Variants in MBOAT1 observed in about 807,000 individuals in gnomAD.
The protein encoded by MBOAT1 is membrane bound glycerophospholipid O-acyltransferase 1.
A neutral mutation model predicts 64.4 loss-of-function variants in MBOAT1; 67 were observed. The ratio of observed to expected loss-of-function variants is 1.04; its 90% CI spans 0.85 to 1.27. MBOAT1 has a LOEUF of 1.27. Ranked by LOEUF, MBOAT1 falls within the 50% of genes most tolerant of loss-of-function variation. The pLI is 0.00. For missense variants in MBOAT1, 563 were observed against 604.6 expected, an observed-to-expected ratio of 0.93 and a Z score of 0.72; for synonymous variants, 229 against 218.9, an observed-to-expected ratio of 1.05 and a Z score of -0.41.
At chr6:20,126,966 G>A (rs1760672788) in intron 6 of MBOAT1, among the ~76,000 whole-genome samples, 1 of 152,170 alleles carries the variant, frequency 6.6e-6, no homozygotes. Context: ...GCGAGGGCAA[G>A]TGCAACTCAG....
chr6:20,198,372 T>TGAGTACAACG (rs1763021602), intron 1 of MBOAT1, among the ~76,000 whole-genome samples: 3 of 152,222 alleles, frequency 2.0e-5, no homozygotes, highest in Non-Finnish European at 4.4e-5. Context: ...TACTTTCCGT[T>TGAGTACAACG]GAGGTAAAGA....
At chr6:20,111,864 A>G (rs1267926637) in intron 11 of MBOAT1, among the ~76,000 whole-genome samples, 2 of 137,930 alleles carry the variant, frequency 1.5e-5, no homozygotes, top group African/African-American at 5.6e-5. Flanking sequence ...ATATACATAT[A>G]TATACATATA....
At chr6:20,115,191 G>A in intron 10 of MBOAT1, 97 bp downstream of exon 10, 1 of 855,750 alleles carries the variant, frequency 1.2e-6, no homozygotes, top group South Asian at 1.4e-5. Flanking sequence ...AGTGTCAGAT[G>A]ACATTGCCAC....
chr6:20,165,178 A>G lies in MBOAT1; in HGVS notation c.100-12409T>C, dbSNP rs544903973. Reference sequence around the variant, plus strand: ...AGAGAAGCTAGGACTATTAGCAATTATCTGATCCAAGCCCCTCATTTTGTG... The same window carrying G: ...AGAGAAGCTAGGACTATTAGCAATTGTCTGATCCAAGCCCCTCATTTTGTG... On this transcript the variant is annotated intron_variant, in intron 1 of 12. Transcript: ENST00000324607. 5.9e-5 allele frequency among the ~76,000 whole-genome samples: 9 copies of G among 152,306 alleles called. No homozygotes were observed. In the South Asian group the frequency reaches 1.9e-3, roughly 32 times the overall value.
chr6:20,184,791 A>G (rs968969019), intron 1 of MBOAT1, among the ~76,000 whole-genome samples: 5 of 151,794 alleles, frequency 3.3e-5, no homozygotes, highest in Non-Finnish European at 7.4e-5. Context: ...CCAACCCCTG[A>G]GCACATACAC....
chr6:20,126,579 T>G lies in MBOAT1; in HGVS notation c.652A>C (p.Lys218Gln), dbSNP rs1483078127. The G allele has an allele frequency of 6.2e-7, 1 of 1,613,770 alleles. No homozygotes were observed. Among genetic ancestry groups the G allele is most frequent in the Non-Finnish European group, 8.5e-7 (1 of 1,179,986 alleles). The stretch of plus-strand genomic sequence containing the variant: ...CGCTTCCAGTTCACCTCCAGCAACT[T>G]CATGTGTATATGCTTCCCCTCAATG... The part of the protein sequence containing the change: ...AFIEGKHIHM[K>Q]LLEVNWKRKG... The change falls in exon 7 of 13, where the codon AAG becomes CAG. Residue 218 changes from lysine (K) to glutamine (Q), a missense_variant. By Grantham distance (53) the Lys-to-Gln change is moderately conservative. Transcript: ENST00000324607.
intron 11 of MBOAT1, 112 bp from the exon 12 acceptor site, chr6:20,109,861 C>A: frequency 2.2e-6 from 2 of 908,902 alleles, no homozygotes; most frequent in Non-Finnish European, 1.5e-6. Flanking sequence ...AGAAGATAAC[C>A]AACATCTGAG....
chr6:20,132,654 G>A (rs141554987), intron 4 of MBOAT1, among the ~76,000 whole-genome samples: 36 of 152,322 alleles, frequency 2.4e-4, no homozygotes, highest in African/African-American at 8.7e-4. Context: ...AAATCTTTGT[G>A]ACTTCAGGTT....
At chr6:20,190,035 C>T (rs961876363) in intron 1 of MBOAT1, among the ~76,000 whole-genome samples, 1 of 151,904 alleles carries the variant, frequency 6.6e-6, no homozygotes, top group Non-Finnish European at 1.5e-5. Context: ...CACTCTGTCA[C>T]CCAGGCTGCA....
chr6:20,124,379 T>C (rs1760587499), intron 8 of MBOAT1, 29 bp downstream of exon 8: 5 of 1,592,354 alleles, frequency 3.1e-6, no homozygotes, highest in Middle Eastern at 1.7e-4. Flanking sequence ...TTTTCCCTCA[T>C]TCAGTTACAG....
intron 1 of MBOAT1, 159 bp downstream of exon 1, chr6:20,211,977 C>A (rs1224731086): frequency 1.9e-6 from 1 of 533,370 alleles, no homozygotes; most frequent in Non-Finnish European, 3.2e-6. Flanking sequence ...AAAACACACA[C>A]ACACACACAC....
intron 1 of MBOAT1, among the ~76,000 whole-genome samples, chr6:20,156,706 T>A (rs1761699794): frequency 6.6e-6 from 1 of 152,220 alleles, no homozygotes; most frequent in Non-Finnish European, 1.5e-5. Context: ...CCATGTGCAC[T>A]CCTAATGGGA....
intron 12 of MBOAT1, among the ~76,000 whole-genome samples, chr6:20,103,419 T>TTTTG (rs150927645): frequency 0.099 from 15,005 of 152,098 alleles, 823 homozygotes; most frequent in African/African-American, 0.14. Flanking sequence ...TGTTTTGGTT[T>TTTTG]TTTGTTTGTT....
At chr6:20,164,174 T>TACAC (rs35199956) in intron 1 of MBOAT1, among the ~76,000 whole-genome samples, 4,382 of 147,504 alleles carry the variant, frequency 0.03, 106 homozygotes, top group Admixed American at 0.057. Flanking sequence ...TATGTGCATG[T>TACAC]ACACACACAC....
chr6:20,167,602 G>C (rs1348068994), intron 1 of MBOAT1, among the ~76,000 whole-genome samples: 1 of 152,228 alleles, frequency 6.6e-6, no homozygotes. Flanking sequence ...GAGTTACCCA[G>C]ATGAATTGGA....
chr6:20,177,773 CAAAA>C (rs58552446), intron 1 of MBOAT1, among the ~76,000 whole-genome samples: 3,633 of 84,624 alleles, frequency 0.043, 61 homozygotes, highest in Non-Finnish European at 0.071. Flanking sequence ...GACTCCGTCT[CAAAA>C]AAAAAAAAAA....
At position 20,167,669 on chromosome 6, in the gene MBOAT1, T is replaced by C. The variant is rs1006613851; in HGVS notation, c.100-14900A>G. 3.3e-5 allele frequency among the ~76,000 whole-genome samples: 5 copies of C among 152,248 alleles called. 1 individual carries two copies. Among genetic ancestry groups the C allele is most frequent in the African/African-American group, 1.2e-4 (5 of 41,462 alleles). ...TTGGTATAAAGTTAAAAGAACAAGC[T>C]ATGAAGTTAGACAGCTTGAGATAAA... On this transcript the variant is annotated intron_variant, in intron 1 of 12. Coordinates refer to ENST00000324607, the MANE Select transcript of MBOAT1 (RefSeq NM_001080480.3).
intron 8 of MBOAT1, among the ~76,000 whole-genome samples, chr6:20,121,470 TA>T: frequency 6.6e-6 from 1 of 150,856 alleles, no homozygotes; most frequent in Middle Eastern, 3.5e-3. Flanking sequence ...TGGGGGGGAG[TA>T]AAAGAGCTAA....
At chr6:20,116,331 CAAAAAAAA>C (rs149851534) in intron 9 of MBOAT1, among the ~76,000 whole-genome samples, 1 of 145,938 alleles carries the variant, frequency 6.9e-6, no homozygotes, top group African/African-American at 2.5e-5. Context: ...GACTCCATCT[CAAAAAAAA>C]AATAAAAATA....
Sources: gnomAD v4.1 joint callset for allele counts (sites outside exome capture counted in the v4.1 genomes callset) on GRCh38, gnomAD v4.1.1 for gene constraint, MANE v1.5 for transcripts, NCBI Gene and HGNC (gene_info 2026-07-23, HGNC 2026-07-21) for gene names.